Variants in ZMYND11 observed in about 807,000 individuals in gnomAD.
ZMYND11 encodes the protein zinc finger MYND domain-containing protein 11.
Under a neutral mutation model 84.9 loss-of-function variants are expected in ZMYND11, and 9 were observed. That is an observed-to-expected ratio of 0.11 (90% CI 0.06 to 0.18). The LOEUF (loss-of-function observed/expected upper bound fraction) is 0.18, where lower values mean the gene tolerates loss of function less well. ZMYND11 is among the 10% of genes least tolerant of loss of function. The pLI is 1.00. For synonymous variants in ZMYND11, 250 were observed against 244.1 expected (o/e 1.02, Z -0.23); for missense variants, 409 against 761.0 (o/e 0.54, Z 5.44).
At chr10:227,883 TTTTA>T (rs1948396725) in intron 4 of ZMYND11, among the ~76,000 whole-genome samples, 6 of 152,328 alleles carry the variant, frequency 3.9e-5, no homozygotes, top group Middle Eastern at 3.4e-3. Flanking sequence ...GAGATTTGAT[TTTTA>T]AATAAGTAGA....
intron 3 of ZMYND11, chr10:218,329 G>A (rs1398934323): frequency 6.0e-6 from 1 of 167,310 alleles, no homozygotes; most frequent in Non-Finnish European, 1.4e-5. Flanking sequence ...CTGTAAAATA[G>A]TATAAGTCAT....
At chr10:242,428 C>G (rs1206192807) in intron 10 of ZMYND11, among the ~76,000 whole-genome samples, 1 of 152,054 alleles carries the variant, frequency 6.6e-6, no homozygotes, top group African/African-American at 2.4e-5. Flanking sequence ...TGTGTCCATT[C>G]CATAATATGG....
Position 209,050 on chromosome 10 carries a change from TAGAG to T in ZMYND11, c.117-827_117-824del, listed in dbSNP as rs765368955. On this transcript the variant is annotated intron_variant, in intron 2 of 14. Coordinates refer to ENST00000381604, the MANE Select transcript of ZMYND11 (RefSeq NM_001370100.5). ...ATATATGTATATGTATATATATATA[TAGAG>T]AGAGAGAGAGATCAGCGTTGAGGTT... Among the ~76,000 whole-genome samples, 264 of 150,846 alleles carry T rather than the reference TAGAG, an allele frequency of 1.8e-3. 2 individuals carry two copies. The highest frequency in any genetic ancestry group is 2.7e-3 in the Non-Finnish European group (181 of 67,722).
chr10:188,018 G>A (rs1939212456), intron 2 of ZMYND11, among the ~76,000 whole-genome samples: 1 of 152,176 alleles, frequency 6.6e-6, no homozygotes, highest in African/African-American at 2.4e-5. Context: ...GTGAAGATAA[G>A]CACAGGCAAT....
intron 1 of ZMYND11, among the ~76,000 whole-genome samples, chr10:146,613 TTGTTG>T (rs1484937423): frequency 6.6e-6 from 1 of 152,158 alleles, no homozygotes; most frequent in Non-Finnish European, 1.5e-5. Context: ...TAGGGTTTTG[TTGTTG>T]TGTTGTTTTG....
In ZMYND11 at chr10:253,072, T is replaced by G. The variant is rs1953811894; in HGVS notation, c.*602T>G. 6.6e-6 allele frequency: 1 copy of G among 152,662 alleles called. No homozygotes were observed. The highest frequency in any genetic ancestry group is 2.4e-5 in the African/African-American group (1 of 41,466). The allele number at this position is 152,662 out of a possible 1,614,324, so 9.5% of individuals were successfully genotyped here. On this transcript the variant is annotated 3_prime_UTR_variant, in exon 15 of 15. Transcript: ENST00000381604. ...CAATTGTGTTTTTCATTATTTCTTT[T>G]CAATATATAACTTTTATAACAAATT...
At chr10:185,125 T>C (rs1032274124) in intron 2 of ZMYND11, among the ~76,000 whole-genome samples, 4 of 152,124 alleles carry the variant, frequency 2.6e-5, no homozygotes, top group African/African-American at 9.7e-5. Flanking sequence ...AATGGGAGTG[T>C]GTAAAATCCT....
At chr10:239,829 C>T (rs927902874) in intron 7 of ZMYND11, 4 of 552,218 alleles carry the variant, frequency 7.2e-6, no homozygotes, top group Non-Finnish European at 1.3e-5. Context: ...ACTAGTACCA[C>T]ATCATCCAAA....
At chr10:225,486 A>G (rs566219847) in intron 4 of ZMYND11, among the ~76,000 whole-genome samples, 14 of 152,238 alleles carry the variant, frequency 9.2e-5, no homozygotes, top group South Asian at 6.2e-4. Context: ...AGCTAGGACT[A>G]TACGCACACA....
chr10:139,280 T>C (rs782820574), intron 1 of ZMYND11, among the ~76,000 whole-genome samples: 1 of 152,252 alleles, frequency 6.6e-6, no homozygotes, highest in Non-Finnish European at 1.5e-5. Context: ...TTGCATTTTC[T>C]ATATTTCCTT....
intron 4 of ZMYND11, among the ~76,000 whole-genome samples, chr10:234,084 G>GT (rs1477644259): frequency 2.6e-5 from 4 of 152,188 alleles, no homozygotes; most frequent in South Asian, 4.1e-4. Context: ...TAGTTAAGAT[G>GT]TTTTAGCAAT....
chr10:227,509 G>C (rs371223388), intron 4 of ZMYND11, among the ~76,000 whole-genome samples: 1 of 87,926 alleles, frequency 1.1e-5, no homozygotes, highest in African/African-American at 2.8e-5. Context: ...TTATGTTTGA[G>C]CCATTTGTAC....
chr10:248,788 T>G, intron 13 of ZMYND11, 115 bp from the exon 14 acceptor site: 2 of 1,426,578 alleles, frequency 1.4e-6, no homozygotes, highest in Non-Finnish European at 1.9e-6. Context: ...TTTTTACACA[T>G]GTAATGAAGG....
At chr10:140,152 TA>T (rs1837175733) in intron 1 of ZMYND11, among the ~76,000 whole-genome samples, 1 of 152,152 alleles carries the variant, frequency 6.6e-6, no homozygotes, top group Non-Finnish European at 1.5e-5. Flanking sequence ...GTGGGTGAGA[TA>T]TTTTTTGAGA....
intron 6 of ZMYND11, among the ~76,000 whole-genome samples, chr10:239,131 A>G (rs553812095): frequency 2.0e-5 from 3 of 152,328 alleles, no homozygotes; most frequent in African/African-American, 7.2e-5. Flanking sequence ...TGCACTACCA[A>G]GCTTAGCAGC....
chr10:202,310 T>C (rs1452394210), intron 2 of ZMYND11, among the ~76,000 whole-genome samples: 1 of 152,208 alleles, frequency 6.6e-6, no homozygotes, highest in Non-Finnish European at 1.5e-5. Context: ...TAGGTATGAA[T>C]TTCTTTGAAC....
At chr10:131,022 T>C (rs1394660335), upstream of ZMYND11, among the ~76,000 whole-genome samples, 2 of 151,820 alleles carry the variant, frequency 1.3e-5, no homozygotes, top group African/African-American at 4.8e-5. Flanking sequence ...GAGGCTGAGG[T>C]GGGAGGATCG....
At chr10:194,779 T>C (rs763682430) in intron 2 of ZMYND11, among the ~76,000 whole-genome samples, 2 of 152,248 alleles carry the variant, frequency 1.3e-5, no homozygotes, top group Non-Finnish European at 2.9e-5. Context: ...TGAAGTGTTA[T>C]AGAGCTCTAT....
chr10:213,924 G>T (rs1002187573), intron 3 of ZMYND11, among the ~76,000 whole-genome samples: 4 of 152,022 alleles, frequency 2.6e-5, no homozygotes, highest in Non-Finnish European at 4.4e-5. Flanking sequence ...TATTGAACAA[G>T]ATTACTTTTA....
Sources: allele counts gnomAD v4.1 joint callset (sites outside exome capture counted in the v4.1 genomes callset), GRCh38; gene constraint gnomAD v4.1.1; transcripts MANE v1.5; gene names NCBI Gene and HGNC (gene_info 2026-07-23, HGNC 2026-07-21).